The following ROBO2 variants were observed in gnomAD, a reference collection of about 807,000 sequenced individuals.
ROBO2 encodes roundabout guidance receptor 2, also known as roundabout homolog 2.
Under a neutral mutation model 160.8 loss-of-function variants are expected in ROBO2, and 53 were observed. The observed-to-expected ratio is 0.33, with a 90% CI of 0.26 to 0.41. The LOEUF is 0.41. Among genes scored for constraint, ROBO2 ranks in the 10% least tolerant of loss-of-function variants. The probability of loss-of-function intolerance (pLI) is 1.00; values close to 1 mark genes in which losing one functional copy is unlikely to be tolerated. For synonymous variants in ROBO2, 664 were observed against 611.7 expected (o/e 1.09, Z -1.26); for missense variants, 1,577 against 1,722.4 (o/e 0.92, Z 1.49).
intron 2 of ROBO2, among the ~76,000 whole-genome samples, chr3:77,373,146 T>G (rs2153478459): frequency 6.8e-6 from 1 of 147,152 alleles, no homozygotes; most frequent in East Asian, 2.0e-4. Context: ...TTATAAAAAT[T>G]ATTATAAAAT....
intron 2 of ROBO2, among the ~76,000 whole-genome samples, chr3:76,316,082 A>G (rs1417560102): frequency 6.6e-6 from 1 of 152,116 alleles, no homozygotes; most frequent in East Asian, 1.9e-4. Context: ...AGGAAACAGG[A>G]CCAGGACAAA....
exon 26 of ROBO2, chr3:77,649,804 T>C (rs1158162817): frequency 6.6e-6 from 1 of 152,170 alleles, no homozygotes; most frequent in African/African-American, 2.4e-5. Flanking sequence ...TTTTTAACTG[T>C]AGTTTGTTTA....
chr3:77,291,587 G>T (rs1399065776), intron 2 of ROBO2, among the ~76,000 whole-genome samples: 1 of 151,494 alleles, frequency 6.6e-6, no homozygotes, highest in Non-Finnish European at 1.5e-5. Flanking sequence ...GGAAGGTGAG[G>T]CTAGAGCAGT....
Position 77,235,355 on chromosome 3 carries a change from A to ATT in ROBO2, c.388+137029_388+137030dup, listed in dbSNP as rs35778905. Among the ~76,000 whole-genome samples the ATT allele has an allele frequency of 3.5e-3, 503 of 143,780 alleles. 3 individuals carry two copies. Among genetic ancestry groups the ATT allele is most frequent in the African/African-American group, 0.013 (493 of 39,316 alleles). The allele number at this position is 143,780 out of a possible 152,430, so 94.3% of individuals were successfully genotyped here. On this transcript the variant is annotated intron_variant, in intron 2 of 25. Transcript: ENST00000461745. Reference sequence around the variant, plus strand: ...GCATTCTATAATATGAGAGGAGAATATTTTTTTTTTTTTTTGAGACGGAGT... The same window carrying ATT: ...GCATTCTATAATATGAGAGGAGAATATTTTTTTTTTTTTTTTTGAGACGGAGT...
intron 2 of ROBO2, among the ~76,000 whole-genome samples, chr3:76,604,668 T>G (rs1182992899): frequency 6.6e-6 from 1 of 152,188 alleles, no homozygotes; most frequent in Non-Finnish European, 1.5e-5. Context: ...AGTTAATTGT[T>G]ATTGTAGTTA....
At chr3:76,226,550 C>T (rs1231028346) in intron 2 of ROBO2, among the ~76,000 whole-genome samples, 1 of 152,104 alleles carries the variant, frequency 6.6e-6, no homozygotes, top group Non-Finnish European at 1.5e-5. Context: ...GAATTCTATG[C>T]AAAGTTTGGA....
At chr3:76,271,220 T>C (rs1212016747) in intron 2 of ROBO2, among the ~76,000 whole-genome samples, 1 of 152,050 alleles carries the variant, frequency 6.6e-6, no homozygotes, top group Non-Finnish European at 1.5e-5. Context: ...AATGACTGAT[T>C]AGGTGACTGC....
At chr3:77,125,537 C>T (rs146921534) in intron 2 of ROBO2, among the ~76,000 whole-genome samples, 2,332 of 152,094 alleles carry the variant, frequency 0.015, 32 homozygotes, top group Non-Finnish European at 0.021. Context: ...TTCTTAACGA[C>T]GAAAAGATTG....
chr3:76,093,824 G>A (rs558280972), intron 2 of ROBO2, among the ~76,000 whole-genome samples: 7 of 152,138 alleles, frequency 4.6e-5, no homozygotes, highest in Non-Finnish European at 8.8e-5. Flanking sequence ...AAAATGTGTG[G>A]CATTTTATAC....
chr3:77,545,366 T>C (rs1301681361), intron 6 of ROBO2, among the ~76,000 whole-genome samples: 1 of 152,142 alleles, frequency 6.6e-6, no homozygotes, highest in African/African-American at 2.4e-5. Context: ...TGTTCATTTT[T>C]CCATTTACCT....
intron 2 of ROBO2, among the ~76,000 whole-genome samples, chr3:76,067,499 TA>T (rs34887221): frequency 1.3e-5 from 2 of 150,074 alleles, no homozygotes. Context: ...TGGAATTGTT[TA>T]AAAAAAAAAC....
At chr3:76,043,999 A>G (rs1199160291) in intron 2 of ROBO2, among the ~76,000 whole-genome samples, 1 of 152,054 alleles carries the variant, frequency 6.6e-6, no homozygotes, top group African/African-American at 2.4e-5. Flanking sequence ...CCCATAAACA[A>G]ATACTTTTAA....
rs190917160 is a variant in ROBO2, at chr3:76,400,820, C to G, written c.109+463218C>G. 4.0e-5 allele frequency among the ~76,000 whole-genome samples: 6 copies of G among 151,430 alleles called. No individual in the cohort carries two copies. The East Asian group carries it at 1.2e-3, about 29-fold the overall frequency. ...TTATTAATATTTAAAATAATGTAGACCATTCAGTGTTCTCTCTACAACCTC... is the reference window on the plus strand; with the variant it reads ...TTATTAATATTTAAAATAATGTAGAGCATTCAGTGTTCTCTCTACAACCTC... On this transcript the variant is annotated intron_variant, in intron 2 of 26. Coordinates refer to the ROBO2 transcript ENST00000487694.
chr3:77,385,937 A>G (rs985989953), intron 2 of ROBO2, among the ~76,000 whole-genome samples: 2 of 152,196 alleles, frequency 1.3e-5, no homozygotes, highest in Admixed American at 6.5e-5. Flanking sequence ...GTGAAATCTA[A>G]CAATAGCAAC....
chr3:76,704,251 C>G (rs2093110145), intron 2 of ROBO2, among the ~76,000 whole-genome samples: 1 of 152,084 alleles, frequency 6.6e-6, no homozygotes. Context: ...ATCAGAGTCC[C>G]TCTGAAAAGT....
intron 2 of ROBO2, among the ~76,000 whole-genome samples, chr3:76,615,010 C>A (rs1435235009): frequency 6.6e-6 from 1 of 152,194 alleles, no homozygotes; most frequent in Non-Finnish European, 1.5e-5. Context: ...CTTAAACAAG[C>A]TTTCATACTT....
intron 23 of ROBO2, chr3:77,633,163 T>C (rs2153714520): frequency 6.6e-6 from 1 of 152,342 alleles, no homozygotes; most frequent in South Asian, 2.1e-4. Flanking sequence ...TTTAATTGTT[T>C]GGCTAGTAAG....
At chr3:77,054,258 A>G (rs2065499431) in intron 1 of ROBO2, among the ~76,000 whole-genome samples, 1 of 152,210 alleles carries the variant, frequency 6.6e-6, no homozygotes, top group Non-Finnish European at 1.5e-5. Flanking sequence ...AGTATACAGC[A>G]AAGCCCATGT....
intron 2 of ROBO2, among the ~76,000 whole-genome samples, chr3:77,348,707 A>G (rs1186436151): frequency 6.6e-6 from 1 of 152,146 alleles, no homozygotes; most frequent in African/African-American, 2.4e-5. Flanking sequence ...TCAAGCAAGC[A>G]CTATCTGTCA....
Sources: gnomAD v4.1 joint callset for allele counts (sites outside exome capture counted in the v4.1 genomes callset) on GRCh38, gnomAD v4.1.1 for gene constraint, MANE v1.5 for transcripts, NCBI Gene and HGNC (gene_info 2026-07-23, HGNC 2026-07-21) for gene names.